PCDH7: variants seen among roughly 807,000 people sequenced by gnomAD.
PCDH7 encodes protocadherin-7.
PCDH7 carries 17 observed loss-of-function variants against 58.9 expected under a neutral mutation model. The observed-to-expected ratio is 0.29, with a 90% CI of 0.20 to 0.43. PCDH7 has a LOEUF of 0.43. Ranked by LOEUF, PCDH7 falls within the 20% of genes least tolerant of loss-of-function variation. The pLI is 1.00. For synonymous variants in PCDH7, 664 were observed against 616.4 expected, an observed-to-expected ratio of 1.08 and a Z score of -1.14; for missense variants, 1,274 against 1,441.0, an observed-to-expected ratio of 0.88 and a Z score of 1.88.
intron 1 of PCDH7, among the ~76,000 whole-genome samples, chr4:30,881,767 T>A (rs1394545061): frequency 6.6e-6 from 1 of 152,196 alleles, no homozygotes; most frequent in African/African-American, 2.4e-5. Context: ...ACTTGCAGGT[T>A]CCACCTTCAC....
intron 1 of PCDH7, among the ~76,000 whole-genome samples, chr4:30,898,917 C>A (rs1382164775): frequency 6.7e-6 from 1 of 149,074 alleles, no homozygotes; most frequent in African/African-American, 2.5e-5. Context: ...TAGCAAATGC[C>A]TTTTTTTTTT....
rs561832858 is a variant in PCDH7 at position 31,134,130 on chromosome 4, T to C, written c.*8-8343T>C. Among the ~76,000 whole-genome samples, 6 of 152,232 alleles carry C rather than the reference T, an allele frequency of 3.9e-5. No individual in the cohort carries two copies. The East Asian group carries it at 1.2e-3, about 29-fold the overall frequency. The stretch of plus-strand genomic sequence containing the variant: ...GTTATAAGCATTGTACTTGCAGTGA[T>C]ATTGGTCAGTCTATTATCCATGATG... On this transcript the variant is annotated intron_variant, in intron 3 of 3. Transcript: ENST00000509759.
intron 3 of PCDH7, among the ~76,000 whole-genome samples, chr4:30,990,537 T>C (rs1299652748): frequency 6.6e-6 from 1 of 152,170 alleles, no homozygotes; most frequent in Non-Finnish European, 1.5e-5. Context: ...AGATGTTTTC[T>C]TTTATATATG....
At chr4:30,834,315 C>T (rs1253319968) in intron 1 of PCDH7, among the ~76,000 whole-genome samples, 7 of 151,992 alleles carry the variant, frequency 4.6e-5, no homozygotes, top group Admixed American at 1.3e-4. Context: ...TCCTTTTGCA[C>T]GAGGCCTCAT....
intron 1 of PCDH7, among the ~76,000 whole-genome samples, chr4:30,764,950 A>T (rs1026236141): frequency 4.0e-5 from 6 of 151,764 alleles, no homozygotes; most frequent in African/African-American, 1.5e-4. Flanking sequence ...CTATCTCCTG[A>T]CGTCGTGATC....
intron 3 of PCDH7, among the ~76,000 whole-genome samples, chr4:31,137,789 G>A (rs73218835): frequency 0.031 from 4,721 of 152,138 alleles, 125 homozygotes; most frequent in Non-Finnish European, 0.048. Context: ...TAATATGTGA[G>A]TTAAACAAAT....
intron 3 of PCDH7, among the ~76,000 whole-genome samples, chr4:30,981,695 A>T (rs1466053824): frequency 1.3e-5 from 2 of 152,190 alleles, no homozygotes; most frequent in Non-Finnish European, 2.9e-5. Flanking sequence ...ATAATAAAGG[A>T]TTCAGTTTTC....
intron 1 of PCDH7, among the ~76,000 whole-genome samples, chr4:30,756,179 C>G (rs1299632732): frequency 6.6e-6 from 1 of 152,058 alleles, no homozygotes; most frequent in Non-Finnish European, 1.5e-5. Flanking sequence ...TTTATAACAA[C>G]CCACTCTAGA....
intron 1 of PCDH7, among the ~76,000 whole-genome samples, chr4:30,820,580 CAA>C (rs1728252521): frequency 6.6e-6 from 1 of 150,634 alleles, no homozygotes; most frequent in African/African-American, 2.4e-5. Context: ...ATTACTGTGA[CAA>C]AGAGAAAACT....
chr4:30,952,632 A>G (rs1379530529), intron 3 of PCDH7, among the ~76,000 whole-genome samples: 1 of 152,168 alleles, frequency 6.6e-6, no homozygotes, highest in African/African-American at 2.4e-5. Flanking sequence ...CAGGTAGAGA[A>G]AAAGAAGTTT....
intron 3 of PCDH7, among the ~76,000 whole-genome samples, chr4:31,108,928 G>C (rs1715939593): frequency 1.3e-5 from 2 of 152,142 alleles, no homozygotes; most frequent in African/African-American, 2.4e-5. Context: ...ATAGTGAGCT[G>C]TTCTTGGTGG....
chr4:30,988,034 G>A (rs1378743935), intron 3 of PCDH7, among the ~76,000 whole-genome samples: 1 of 152,142 alleles, frequency 6.6e-6, no homozygotes, highest in Non-Finnish European at 1.5e-5. Flanking sequence ...GGCCAGATTT[G>A]CATCTGTGAA....
At chr4:30,872,631 C>T (rs1735769509) in intron 1 of PCDH7, among the ~76,000 whole-genome samples, 1 of 151,946 alleles carries the variant, frequency 6.6e-6, no homozygotes, top group Admixed American at 6.6e-5. Context: ...CTGTAAGTTT[C>T]AATCCCTCAT....
chr4:30,806,183 C>A (rs1452404897), intron 1 of PCDH7, among the ~76,000 whole-genome samples: 1 of 152,096 alleles, frequency 6.6e-6, no homozygotes, highest in Non-Finnish European at 1.5e-5. Flanking sequence ...AAAATCCAGT[C>A]CCCCAAATTG....
intron 1 of PCDH7, among the ~76,000 whole-genome samples, chr4:30,880,818 A>G (rs1560463073): frequency 1.3e-5 from 2 of 152,322 alleles, no homozygotes; most frequent in East Asian, 1.9e-4. Flanking sequence ...CACAGAGAGT[A>G]TAAAAATGAA....
At chr4:30,810,972 C>A (rs1463307858) in intron 1 of PCDH7, among the ~76,000 whole-genome samples, 1 of 152,162 alleles carries the variant, frequency 6.6e-6, no homozygotes, top group Non-Finnish European at 1.5e-5. Flanking sequence ...GTGGTTTATA[C>A]TTAAACCTTA....
chr4:31,056,979 G>A (rs939944830), intron 3 of PCDH7, among the ~76,000 whole-genome samples: 4 of 152,194 alleles, frequency 2.6e-5, no homozygotes, highest in South Asian at 4.1e-4. Flanking sequence ...TTTGTGTTAC[G>A]TATTAAGGAT....
At chr4:30,732,430 G>A (rs1233777068) in exon 2 of PCDH7, 1 of 152,152 alleles carries the variant, frequency 6.6e-6, no homozygotes, top group African/African-American at 2.4e-5. Context: ...TTAATTTAAT[G>A]TGCAATCACA....
At chr4:31,069,264 C>T (rs552180139) in intron 3 of PCDH7, among the ~76,000 whole-genome samples, 1 of 152,152 alleles carries the variant, frequency 6.6e-6, no homozygotes, top group South Asian at 2.1e-4. Flanking sequence ...GACTCAGAAA[C>T]ACTAATGCAT....
Sources: gnomAD v4.1 joint callset for allele counts (sites outside exome capture counted in the v4.1 genomes callset) on GRCh38, gnomAD v4.1.1 for gene constraint, MANE v1.5 for transcripts, NCBI Gene and HGNC (gene_info 2026-07-23, HGNC 2026-07-21) for gene names.